The following RAD51B variants were observed in gnomAD, a reference collection of about 807,000 sequenced individuals.
RAD51B encodes the protein DNA repair protein RAD51 homolog 2.
Under a neutral mutation model 42.2 loss-of-function variants are expected in RAD51B, and 38 were observed. The ratio of observed to expected loss-of-function variants is 0.90; its 90% confidence interval spans 0.70 to 1.18. The LOEUF (loss-of-function observed/expected upper bound fraction) is 1.18. RAD51B is among the 50% of genes most tolerant of loss of function. The probability of loss-of-function intolerance (pLI) is 0.00; values close to 1 mark genes in which losing one functional copy is unlikely to be tolerated. For synonymous variants in RAD51B, 154 were observed against 145.2 expected (o/e 1.06, Z -0.43); for missense variants, 373 against 400.7 (o/e 0.93, Z 0.59).
At chr14:68,506,654 G>A (rs1885347251) in intron 10 of RAD51B, among the ~76,000 whole-genome samples, 2 of 152,192 alleles carry the variant, frequency 1.3e-5, no homozygotes, top group African/African-American at 2.4e-5. Flanking sequence ...AGGCAGGGAG[G>A]GGCAGCACCA....
chr14:68,439,569 A>G (rs1325913730), intron 9 of RAD51B, among the ~76,000 whole-genome samples: 1 of 151,946 alleles, frequency 6.6e-6, no homozygotes, highest in Non-Finnish European at 1.5e-5. Context: ...TCTCTTCTCC[A>G]TTGTCCCTGT....
chr14:68,109,543 G>A (rs972027064), intron 7 of RAD51B, among the ~76,000 whole-genome samples: 1 of 151,984 alleles, frequency 6.6e-6, no homozygotes, highest in Admixed American at 6.6e-5. Context: ...TTTTCCATTA[G>A]CATTCCCAGT....
chr14:68,256,858 A>T (rs1395395236), intron 7 of RAD51B, among the ~76,000 whole-genome samples: 1 of 152,236 alleles, frequency 6.6e-6, no homozygotes, highest in Non-Finnish European at 1.5e-5. Context: ...AGTCATAAAC[A>T]TAAAATCTGG....
chr14:68,418,003 T>A (rs541799500), intron 9 of RAD51B, among the ~76,000 whole-genome samples: 1 of 152,276 alleles, frequency 6.6e-6, no homozygotes, highest in Admixed American at 6.5e-5. Flanking sequence ...GGAGAGTCAG[T>A]CTTTCCTAGG....
intron 7 of RAD51B, among the ~76,000 whole-genome samples, chr14:67,988,937 T>A (rs2075242140): frequency 6.6e-6 from 1 of 152,230 alleles, no homozygotes; most frequent in South Asian, 2.1e-4. Context: ...TAGTTTTGTT[T>A]AAGAGAAAAC....
At chr14:67,927,721 G>GTA (rs1555416790) in intron 7 of RAD51B, among the ~76,000 whole-genome samples, 24 of 149,608 alleles carry the variant, frequency 1.6e-4, no homozygotes, top group East Asian at 3.9e-4. Flanking sequence ...GTGTGTGTGT[G>GTA]TGTGTGTGTA....
intron 10 of RAD51B, among the ~76,000 whole-genome samples, chr14:68,639,795 T>C (rs1213130032): frequency 6.6e-6 from 1 of 151,978 alleles, no homozygotes; most frequent in Non-Finnish European, 1.5e-5. Context: ...TGTTTTTTGT[T>C]TTTTGTTTTT....
intron 7 of RAD51B, among the ~76,000 whole-genome samples, chr14:68,057,492 G>A (rs2076495609): frequency 6.6e-6 from 1 of 151,898 alleles, no homozygotes; most frequent in Non-Finnish European, 1.5e-5. Context: ...AGATATAGGA[G>A]GTAGGATTTG....
In RAD51B at chr14:68,092,505, G is replaced by A. The variant is rs11849868; in HGVS notation, c.757-199379G>A. ...TCATGATTTGGCTCTCTGTTTGTCC[G>A]TTATTGGTGTATAAGAATGCTTGTG... On this transcript the variant is annotated intron_variant, in intron 7 of 10. Coordinates refer to ENST00000471583, the MANE Select transcript of RAD51B (RefSeq NM_133510.4). 4.1e-3 allele frequency among the ~76,000 whole-genome samples: 622 copies of A among 152,172 alleles called. 8 individuals are homozygous for A. The highest frequency in any genetic ancestry group is 0.014 in the African/African-American group (592 of 41,504).
At chr14:67,986,778 C>T (rs564776284) in intron 7 of RAD51B, among the ~76,000 whole-genome samples, 1 of 152,302 alleles carries the variant, frequency 6.6e-6, no homozygotes, top group South Asian at 2.1e-4. Context: ...GTTGCTCAGG[C>T]TGGAGTTCAG....
intron 10 of RAD51B, among the ~76,000 whole-genome samples, chr14:68,583,763 C>G (rs1244958694): frequency 1.3e-5 from 2 of 152,206 alleles, no homozygotes; most frequent in Non-Finnish European, 2.9e-5. Flanking sequence ...TGTGATCCAC[C>G]CACAACTTGG....
intron 7 of RAD51B, among the ~76,000 whole-genome samples, chr14:68,104,772 A>G (rs1566648695): frequency 6.6e-6 from 1 of 152,146 alleles, no homozygotes; most frequent in Non-Finnish European, 1.5e-5. Context: ...TGATGAAACC[A>G]AGAACTTTCC....
chr14:67,959,500 G>C (rs1452625480), intron 7 of RAD51B, among the ~76,000 whole-genome samples: 2 of 152,058 alleles, frequency 1.3e-5, no homozygotes, highest in South Asian at 2.1e-4. Flanking sequence ...TCCTGCCTCA[G>C]CCTCCCAAAG....
chr14:68,357,717 T>A (rs1229659845), intron 8 of RAD51B, among the ~76,000 whole-genome samples: 1 of 152,030 alleles, frequency 6.6e-6, no homozygotes, highest in Non-Finnish European at 1.5e-5. Flanking sequence ...TGTCAGTGAG[T>A]AGTACTATTT....
intron 7 of RAD51B, among the ~76,000 whole-genome samples, chr14:67,900,232 T>A (rs189783181): frequency 6.6e-6 from 1 of 152,358 alleles, no homozygotes; most frequent in East Asian, 1.9e-4. Flanking sequence ...GTATAATTAA[T>A]GCCTTTTATG....
At chr14:67,913,767 C>G (rs966508589) in intron 7 of RAD51B, among the ~76,000 whole-genome samples, 1 of 152,038 alleles carries the variant, frequency 6.6e-6, no homozygotes, top group Non-Finnish European at 1.5e-5. Flanking sequence ...GTATCTGTCA[C>G]CTCAAGCATT....
chr14:68,543,807 A>AT (rs1888087332), intron 10 of RAD51B, among the ~76,000 whole-genome samples: 1 of 152,358 alleles, frequency 6.6e-6, no homozygotes, highest in East Asian at 1.9e-4. Context: ...TATTTGGTAG[A>AT]TAAGGCAATT....
chr14:68,146,553 T>C (rs2078253532), intron 7 of RAD51B, among the ~76,000 whole-genome samples: 2 of 152,080 alleles, frequency 1.3e-5, no homozygotes, highest in Non-Finnish European at 2.9e-5. Flanking sequence ...TGAGTTTGAA[T>C]TAGAGGGAAG....
At chr14:68,662,841 C>T (rs1305965071) in intron 11 of RAD51B, among the ~76,000 whole-genome samples, 4 of 152,208 alleles carry the variant, frequency 2.6e-5, no homozygotes, top group African/African-American at 4.8e-5. Context: ...GACAGCTGTA[C>T]GTGTTAATTC....
Sources: allele counts gnomAD v4.1 joint callset (sites outside exome capture counted in the v4.1 genomes callset), GRCh38; gene constraint gnomAD v4.1.1; transcripts MANE v1.5; gene names NCBI Gene and HGNC (gene_info 2026-07-23, HGNC 2026-07-21).